Variants in DPP10 observed in about 807,000 individuals in gnomAD.
DPP10 encodes inactive dipeptidyl peptidase 10.
A neutral mutation model predicts 120.9 loss-of-function variants in DPP10; 33 were observed. The ratio of observed to expected loss-of-function variants is 0.27; its 90% confidence interval spans 0.21 to 0.37. The LOEUF (loss-of-function observed/expected upper bound fraction) is 0.37. Ranked by LOEUF, DPP10 falls within the 10% of genes least tolerant of loss-of-function variation. The pLI is 1.00. For missense variants in DPP10, 816 were observed against 942.8 expected, an observed-to-expected ratio of 0.87 and a Z score of 1.76; for synonymous variants, 337 against 326.1, an observed-to-expected ratio of 1.03 and a Z score of -0.36.
At chr2:115,664,348 G>A (rs1016065169) in intron 5 of DPP10, among the ~76,000 whole-genome samples, 2 of 151,870 alleles carry the variant, frequency 1.3e-5, no homozygotes, top group Admixed American at 1.3e-4. Flanking sequence ...CAAATTTTTG[G>A]TTCATCAGCA....
intron 4 of DPP10, among the ~76,000 whole-genome samples, chr2:115,519,590 A>T (rs2077688142): frequency 2.0e-5 from 3 of 152,238 alleles, no homozygotes; most frequent in Non-Finnish European, 4.4e-5. Context: ...ATATATAGCC[A>T]GCTATAGCTA....
At chr2:115,225,791 A>C (rs2057406162) in intron 1 of DPP10, among the ~76,000 whole-genome samples, 1 of 152,098 alleles carries the variant, frequency 6.6e-6, no homozygotes, top group Middle Eastern at 3.4e-3. Context: ...TTGTGGGAAA[A>C]AAATTGAAAA....
chr2:115,097,189 T>C (rs1286174777), intron 1 of DPP10, among the ~76,000 whole-genome samples: 1 of 151,620 alleles, frequency 6.6e-6, no homozygotes, highest in African/African-American at 2.4e-5. Context: ...GTCATAGTAG[T>C]AATAATAATA....
At chr2:114,843,511 C>T (rs1469450560) in intron 1 of DPP10, among the ~76,000 whole-genome samples, 2 of 152,094 alleles carry the variant, frequency 1.3e-5, no homozygotes, top group African/African-American at 4.8e-5. Flanking sequence ...AAGTAATATC[C>T]TTCTATCTAT....
intron 1 of DPP10, among the ~76,000 whole-genome samples, chr2:114,527,638 A>C (rs1396483315): frequency 6.6e-6 from 1 of 152,154 alleles, no homozygotes; most frequent in Non-Finnish European, 1.5e-5. Flanking sequence ...ATCAACAATT[A>C]CAAAGTATAG....
chr2:115,122,094 G>T lies in DPP10; in HGVS notation c.61-187145G>T, dbSNP rs551681226. On this transcript the variant is annotated intron_variant, in intron 1 of 25. Coordinates refer to ENST00000410059, the MANE Select transcript of DPP10 (RefSeq NM_020868.6). Reference sequence around the variant, plus strand: ...CTAGTTTTCCTAACATCTTTTTCCTGCACTTATGGCAGACTGGAGTGAACA... The same window carrying T: ...CTAGTTTTCCTAACATCTTTTTCCTTCACTTATGGCAGACTGGAGTGAACA... 4.3e-4 allele frequency among the ~76,000 whole-genome samples: 66 copies of T among 152,254 alleles called. 1 individual carries two copies. The highest frequency in any genetic ancestry group is 1.4e-3 in the African/African-American group (58 of 41,556).
At chr2:114,474,157 C>G (rs1680178792) in intron 1 of DPP10, among the ~76,000 whole-genome samples, 1 of 152,116 alleles carries the variant, frequency 6.6e-6, no homozygotes, top group African/African-American at 2.4e-5. Flanking sequence ...TAGTTTGCAC[C>G]ATGTTAGACA....
intron 7 of DPP10, among the ~76,000 whole-genome samples, chr2:115,721,598 T>TA (rs71394163): frequency 0.12 from 18,416 of 148,044 alleles, 1,315 homozygotes; most frequent in Non-Finnish European, 0.16. Context: ...ACAGCTATTA[T>TA]AAAAAAAAAA....
At chr2:115,776,524 T>C (rs980897381) in intron 13 of DPP10, among the ~76,000 whole-genome samples, 16 of 152,166 alleles carry the variant, frequency 1.1e-4, no homozygotes, top group Admixed American at 2.6e-4. Context: ...TTGATGGGTA[T>C]TTGGGTTGGT....
chr2:114,951,368 C>G (rs2104644465), intron 1 of DPP10, among the ~76,000 whole-genome samples: 1 of 152,276 alleles, frequency 6.6e-6, no homozygotes, highest in Admixed American at 6.5e-5. Context: ...ATGATTAGAA[C>G]TGAGCGACAA....
chr2:115,063,896 A>T (rs1706626380), intron 1 of DPP10, among the ~76,000 whole-genome samples: 3 of 152,180 alleles, frequency 2.0e-5, no homozygotes. Flanking sequence ...TATGTATATA[A>T]GGTTTTATGA....
At chr2:114,656,408 A>G (rs1696971479) in intron 1 of DPP10, among the ~76,000 whole-genome samples, 1 of 152,120 alleles carries the variant, frequency 6.6e-6, no homozygotes, top group Non-Finnish European at 1.5e-5. Flanking sequence ...ATAAAAAAGG[A>G]AGAAGATAAA....
intron 3 of DPP10, among the ~76,000 whole-genome samples, chr2:115,492,073 C>A (rs2076153958): frequency 6.6e-6 from 1 of 151,940 alleles, no homozygotes; most frequent in Non-Finnish European, 1.5e-5. Context: ...CAACAGCAAT[C>A]AATAAATAAA....
At chr2:115,494,928 G>A (rs544567464) in intron 3 of DPP10, among the ~76,000 whole-genome samples, 14 of 152,034 alleles carry the variant, frequency 9.2e-5, no homozygotes, top group Admixed American at 2.6e-4. Flanking sequence ...AGATTATCAC[G>A]TCAAAATTAA....
At chr2:115,746,652 G>T (rs974762792) in intron 10 of DPP10, among the ~76,000 whole-genome samples, 2 of 151,862 alleles carry the variant, frequency 1.3e-5, no homozygotes, top group African/African-American at 4.8e-5. Context: ...TCCTATGTAT[G>T]AAATACTTAT....
chr2:114,584,517 G>A (rs1034924014), intron 1 of DPP10, among the ~76,000 whole-genome samples: 1 of 149,902 alleles, frequency 6.7e-6, no homozygotes, highest in Non-Finnish European at 1.5e-5. Context: ...TTAGCATTAG[G>A]TATATCTCCT....
chr2:115,057,727 A>C (rs1706042729), intron 1 of DPP10, among the ~76,000 whole-genome samples: 1 of 152,228 alleles, frequency 6.6e-6, no homozygotes, highest in Non-Finnish European at 1.5e-5. Flanking sequence ...TATGACTAGC[A>C]GCCTCACAGA....
intron 1 of DPP10, among the ~76,000 whole-genome samples, chr2:114,783,138 A>T (rs1329652840): frequency 6.6e-6 from 1 of 152,168 alleles, no homozygotes; most frequent in Non-Finnish European, 1.5e-5. Context: ...ATAGTATAAA[A>T]GCTAAATTAA....
chr2:114,961,347 C>T (rs2104718644), intron 1 of DPP10, among the ~76,000 whole-genome samples: 1 of 152,156 alleles, frequency 6.6e-6, no homozygotes, highest in Admixed American at 6.6e-5. Flanking sequence ...AGCCACTGCG[C>T]CTGGCCCTGT....
Sources: allele counts gnomAD v4.1 joint callset (sites outside exome capture counted in the v4.1 genomes callset), GRCh38; gene constraint gnomAD v4.1.1; transcripts MANE v1.5; gene names NCBI Gene and HGNC (gene_info 2026-07-23, HGNC 2026-07-21).